Variants in CDK8 observed in about 807,000 individuals in gnomAD.
CDK8 encodes the protein cyclin-dependent kinase 8.
Under a neutral mutation model 71.5 loss-of-function variants are expected in CDK8, and 29 were observed. That is an observed-to-expected ratio of 0.41 (90% CI 0.30 to 0.55). The LOEUF is 0.55. CDK8 is among the 20% of genes least tolerant of loss of function. CDK8 has a pLI of 0.37. For synonymous variants in CDK8, 161 were observed against 192.1 expected (o/e 0.84, Z 1.34); for missense variants, 288 against 572.6 (o/e 0.50, Z 5.07).
chr13:26,268,093 G>A (rs10507348), intron 1 of CDK8, among the ~76,000 whole-genome samples: 1,670 of 152,244 alleles, frequency 0.011, 64 homozygotes, highest in South Asian at 0.083. Context: ...CTCTAAAAAT[G>A]TTGCACCAAT....
intron 1 of CDK8, among the ~76,000 whole-genome samples, chr13:26,283,748 A>G (rs1872871565): frequency 1.3e-5 from 2 of 152,054 alleles, no homozygotes; most frequent in Non-Finnish European, 2.9e-5. Flanking sequence ...AATACAAAAA[A>G]TTAGCCAGCC....
intron 1 of CDK8, among the ~76,000 whole-genome samples, chr13:26,337,082 C>T (rs1462906555): frequency 6.6e-6 from 1 of 152,080 alleles, no homozygotes; most frequent in African/African-American, 2.4e-5. Flanking sequence ...GCGTGAGTGT[C>T]TTTGAAAGTC....
At chr13:26,350,101 G>A (rs7334021) in intron 3 of CDK8, among the ~76,000 whole-genome samples, 2 of 152,072 alleles carry the variant, frequency 1.3e-5, no homozygotes, top group Admixed American at 6.5e-5. Context: ...TATCATCTAG[G>A]TTTGTGTAAG....
At chr13:26,259,661 A>C (rs1286338284) in intron 1 of CDK8, among the ~76,000 whole-genome samples, 3 of 152,174 alleles carry the variant, frequency 2.0e-5, no homozygotes, top group Admixed American at 2.0e-4. Flanking sequence ...GGCCACGTTG[A>C]GATTTCATGC....
chr13:26,297,474 A>G (rs923423799), intron 1 of CDK8, among the ~76,000 whole-genome samples: 2 of 152,128 alleles, frequency 1.3e-5, no homozygotes, highest in Admixed American at 6.5e-5. Flanking sequence ...AAGACCTTCT[A>G]CTTCTAGAAG....
At chr13:26,332,264 T>C (rs188622043) in intron 1 of CDK8, among the ~76,000 whole-genome samples, 2 of 152,084 alleles carry the variant, frequency 1.3e-5, no homozygotes, top group African/African-American at 4.8e-5. Flanking sequence ...GGTGGGTGGA[T>C]CACTTGAGGT....
At chr13:26,369,920 A>G (rs1021690054) in intron 4 of CDK8, among the ~76,000 whole-genome samples, 3 of 152,036 alleles carry the variant, frequency 2.0e-5, no homozygotes, top group Non-Finnish European at 2.9e-5. Flanking sequence ...TAGATGCTCT[A>G]TAGAACACTG....
In CDK8 at chr13:26,262,149, C is replaced by T. The variant is rs148655801; in HGVS notation, c.128+7380C>T. Among the ~76,000 whole-genome samples the T allele has an allele frequency of 1.3e-3, 203 of 152,340 alleles. 2 individuals are homozygous for T. In the East Asian group the frequency reaches 0.036, roughly 27 times the overall value. On this transcript the variant is annotated intron_variant, in intron 1 of 12. Transcript: ENST00000381527. ...CAGCCTCAGAAAAAAATCCTAACTA[C>T]GTATCTTAACATACAACTCCAATAA...
At chr13:26,359,521 G>C (rs1346105491) in intron 4 of CDK8, 7 of 169,838 alleles carry the variant, frequency 4.1e-5, no homozygotes, top group Non-Finnish European at 7.8e-5. Context: ...TATTGATACT[G>C]TTTGTGTAGA....
chr13:26,287,903 T>C (rs928368874), intron 1 of CDK8, among the ~76,000 whole-genome samples: 16 of 152,216 alleles, frequency 1.1e-4, no homozygotes, highest in African/African-American at 3.9e-4. Context: ...CTGTGACTTG[T>C]GTTTTTACCC....
At chr13:26,397,324 G>A in intron 9 of CDK8, 99 bp downstream of exon 9, 1 of 691,534 alleles carries the variant, frequency 1.4e-6, no homozygotes, top group South Asian at 1.8e-5. Context: ...TACTTAGCTA[G>A]CACTCAGAGT....
chr13:26,300,480 G>T (rs564542865), intron 1 of CDK8, among the ~76,000 whole-genome samples: 39 of 152,244 alleles, frequency 2.6e-4, no homozygotes, highest in Middle Eastern at 3.4e-3. Flanking sequence ...TCAGACTGAG[G>T]TTGACCATAG....
At chr13:26,348,618 A>G (rs1162822165) in intron 2 of CDK8, among the ~76,000 whole-genome samples, 1 of 150,366 alleles carries the variant, frequency 6.7e-6, no homozygotes. Context: ...TGTCTTCCTC[A>G]AAAATGGTTT....
At chr13:26,343,183 T>C (rs554372670) in intron 2 of CDK8, among the ~76,000 whole-genome samples, 1 of 152,336 alleles carries the variant, frequency 6.6e-6, no homozygotes, top group South Asian at 2.1e-4. Flanking sequence ...ATCTCATTGT[T>C]CTGCCATCGC....
At chr13:26,353,965 A>G in intron 4 of CDK8, 85 bp downstream of exon 4, 1 of 1,173,964 alleles carries the variant, frequency 8.5e-7, no homozygotes, top group South Asian at 1.3e-5. Context: ...CCAGTGCTAT[A>G]TGTAGGCCTG....
intron 1 of CDK8, among the ~76,000 whole-genome samples, chr13:26,288,130 T>C (rs533817504): frequency 1.3e-5 from 2 of 151,984 alleles, no homozygotes; most frequent in Admixed American, 1.3e-4. Context: ...GCCCGGCTAA[T>C]TTTTTGTATT....
Position 26,254,604 on chromosome 13 carries a change from C to G in CDK8, c.-38C>G, listed in dbSNP as rs751252120. 2 of 1,506,558 alleles carry G rather than the reference C, an allele frequency of 1.3e-6. No homozygotes were observed. Among genetic ancestry groups the G allele is most frequent in the Non-Finnish European group, 9.0e-7 (1 of 1,111,288 alleles). The allele number at this position is 1,506,558 out of a possible 1,614,324, so 93.3% of individuals were successfully genotyped here. A position where few individuals can be genotyped will look rare whatever the true frequency, so the allele number is the denominator to read the frequency against. On this transcript the variant is annotated 5_prime_UTR_variant, in exon 1 of 13. Transcript: ENST00000381527. The surrounding 1 kb of genome is among the most constrained non-coding windows in gnomAD (Gnocchi z 6.7). ...CCCGGTCCCCACCCCTGCCCCCCGG[C>G]CCCCCGACCCAGCTCTCCGGCCTCA...
At chr13:26,282,833 T>G (rs1251812696) in intron 1 of CDK8, among the ~76,000 whole-genome samples, 1 of 150,910 alleles carries the variant, frequency 6.6e-6, no homozygotes, top group African/African-American at 2.4e-5. Flanking sequence ...ACCTAACACA[T>G]AAGGACTCAC....
chr13:26,382,758 T>G, intron 4 of CDK8, 56 bp from the exon 5 acceptor site: 1 of 1,024,188 alleles, frequency 9.8e-7, no homozygotes, highest in Non-Finnish European at 1.5e-6. Context: ...GCATATTGTC[T>G]ATTTAAAAGA....
Sources: allele counts gnomAD v4.1 joint callset (sites outside exome capture counted in the v4.1 genomes callset), GRCh38; gene constraint gnomAD v4.1.1; non-coding constraint Gnocchi (gnomAD v3.1); transcripts MANE v1.5; gene names NCBI Gene and HGNC (gene_info 2026-07-23, HGNC 2026-07-21).